Variants in SHISA6 observed in about 807,000 individuals in gnomAD.
SHISA6 encodes shisa family member 6, also known as protein shisa-6.
Under a neutral mutation model 47.9 loss-of-function variants are expected in SHISA6, and 22 were observed. That is an observed-to-expected ratio of 0.46 (90% CI 0.33 to 0.66). SHISA6 has a LOEUF of 0.66. Ranked by LOEUF, SHISA6 falls within the 30% of genes least tolerant of loss-of-function variation. SHISA6 has a pLI of 0.02. For missense variants in SHISA6, 680 were observed against 764.6 expected (o/e 0.89, Z 1.30); for synonymous variants, 388 against 337.8 (o/e 1.15, Z -1.63).
chr17:11,256,323 C>G (rs998815306), intron 1 of SHISA6, among the ~76,000 whole-genome samples: 2 of 152,126 alleles, frequency 1.3e-5, no homozygotes, highest in African/African-American at 4.8e-5. Context: ...TGGTGAAACC[C>G]CATCTCTACT....
chr17:11,442,058 T>C (rs936695979), intron 3 of SHISA6, among the ~76,000 whole-genome samples: 3 of 152,148 alleles, frequency 2.0e-5, no homozygotes, highest in African/African-American at 7.2e-5. Flanking sequence ...TGTCTTCCAT[T>C]ATCCTTTTTC....
intron 1 of SHISA6, among the ~76,000 whole-genome samples, chr17:11,255,668 G>A (rs745536556): frequency 2.0e-5 from 3 of 152,190 alleles, no homozygotes; most frequent in Non-Finnish European, 4.4e-5. Context: ...TCCTTAAGCC[G>A]GAGTGGGAAA....
intron 1 of SHISA6, among the ~76,000 whole-genome samples, chr17:11,257,851 CA>C (rs1006875134): frequency 2.0e-5 from 3 of 151,962 alleles, no homozygotes; most frequent in Non-Finnish European, 4.4e-5. Context: ...CTAAAGGAAA[CA>C]AAAACAAGCA....
At chr17:11,494,097 GTGTC>G (rs1460797474) in intron 3 of SHISA6, among the ~76,000 whole-genome samples, 2 of 152,156 alleles carry the variant, frequency 1.3e-5, no homozygotes, top group African/African-American at 4.8e-5. Context: ...GGGGGCTTCT[GTGTC>G]TTCCCAGCAG....
intron 1 of SHISA6, among the ~76,000 whole-genome samples, chr17:11,244,141 G>A (rs982354681): frequency 6.6e-6 from 1 of 152,204 alleles, no homozygotes; most frequent in Admixed American, 6.5e-5. Context: ...GGTTGGGGAA[G>A]CAGAGTAACC....
At chr17:11,484,156 G>A (rs1416730303) in intron 3 of SHISA6, among the ~76,000 whole-genome samples, 1 of 152,096 alleles carries the variant, frequency 6.6e-6, no homozygotes, top group African/African-American at 2.4e-5. Flanking sequence ...ATCTCAGAAT[G>A]TAAAAGGATA....
At chr17:11,491,972 T>C (rs1916496664) in intron 3 of SHISA6, among the ~76,000 whole-genome samples, 1 of 152,072 alleles carries the variant, frequency 6.6e-6, no homozygotes, top group African/African-American at 2.4e-5. Context: ...GGTTTCTCCA[T>C]GTTGGTCAGG....
intron 3 of SHISA6, among the ~76,000 whole-genome samples, chr17:11,481,626 G>T (rs973372531): frequency 6.6e-6 from 1 of 151,536 alleles, no homozygotes; most frequent in Non-Finnish European, 1.5e-5. Context: ...CAGAGTAGCT[G>T]GGACTACAGG....
intron 3 of SHISA6, among the ~76,000 whole-genome samples, chr17:11,420,383 G>A (rs918149823): frequency 2.0e-5 from 3 of 152,148 alleles, no homozygotes; most frequent in Non-Finnish European, 2.9e-5. Flanking sequence ...AAATAAGACC[G>A]TGCCTATAAA....
At chr17:11,490,621 C>G (rs865991784) in intron 3 of SHISA6, among the ~76,000 whole-genome samples, 1 of 152,162 alleles carries the variant, frequency 6.6e-6, no homozygotes, top group Non-Finnish European at 1.5e-5. Context: ...GAAGTGCAGC[C>G]GGTGGTGACT....
intron 1 of SHISA6, among the ~76,000 whole-genome samples, chr17:11,245,689 T>C (rs1373718217): frequency 7.7e-6 from 1 of 129,326 alleles, no homozygotes; most frequent in Non-Finnish European, 1.6e-5. Context: ...AAATCAGAGC[T>C]GCCCTGGGTC....
chr17:11,260,037 C>A (rs1355880667), intron 1 of SHISA6, among the ~76,000 whole-genome samples: 1 of 152,074 alleles, frequency 6.6e-6, no homozygotes, highest in African/African-American at 2.4e-5. Flanking sequence ...GTGAATGCAT[C>A]GAGAAATTAT....
intron 2 of SHISA6, among the ~76,000 whole-genome samples, chr17:11,264,004 A>G (rs146846088): frequency 4.1e-4 from 62 of 152,326 alleles, no homozygotes; most frequent in East Asian, 3.5e-3. Context: ...TGTGCTCTGT[A>G]GATTCCCTGG....
chr17:11,314,909 A>G (rs1005819460), intron 2 of SHISA6, among the ~76,000 whole-genome samples: 3 of 152,136 alleles, frequency 2.0e-5, no homozygotes, highest in Non-Finnish European at 4.4e-5. Context: ...ACCCCTCATC[A>G]GATTCTTTTA....
intron 2 of SHISA6, among the ~76,000 whole-genome samples, chr17:11,362,258 G>T (rs1342920935): frequency 6.6e-6 from 1 of 152,042 alleles, no homozygotes; most frequent in Admixed American, 6.6e-5. Flanking sequence ...TCCTGCCCAA[G>T]CCTCCTGAGT....
At chr17:11,374,502 A>G (rs1043167946) in intron 2 of SHISA6, among the ~76,000 whole-genome samples, 1 of 150,586 alleles carries the variant, frequency 6.6e-6, no homozygotes, top group Non-Finnish European at 1.5e-5. Context: ...CCTTGACTTG[A>G]TTTCTGTGTA....
chr17:11,438,019 A>G (rs910509514), intron 3 of SHISA6, among the ~76,000 whole-genome samples: 1 of 152,120 alleles, frequency 6.6e-6, no homozygotes, highest in African/African-American at 2.4e-5. Context: ...GTCAGGGTGG[A>G]TAAGGATTTA....
In SHISA6 at chr17:11,561,210, C is replaced by T. The variant is rs1041128735; in HGVS notation, c.*2906C>T. 1.1e-4 allele frequency: 17 copies of T among 152,226 alleles called. No individual in the cohort carries two copies. Among genetic ancestry groups the T allele is most frequent in the African/African-American group, 3.6e-4 (15 of 41,442 alleles). 9.4% of individuals were successfully genotyped at this position (152,226 alleles called of 1,614,324 possible). On this transcript the variant is annotated 3_prime_UTR_variant, in exon 6 of 6. Coordinates refer to ENST00000441885, the MANE Select transcript of SHISA6 (RefSeq NM_207386.4). ...CTACCATACATAGAAGTACCATCCA[C>T]CCTTACAGTAAAAGCCTCCCTCCTG...
intron 2 of SHISA6, among the ~76,000 whole-genome samples, chr17:11,274,849 G>A (rs373681930): frequency 6.6e-6 from 1 of 152,202 alleles, no homozygotes; most frequent in East Asian, 1.9e-4. Context: ...ACGCTCAGAG[G>A]GAGGTTGTGT....
Sources: allele counts gnomAD v4.1 joint callset (sites outside exome capture counted in the v4.1 genomes callset), GRCh38; gene constraint gnomAD v4.1.1; transcripts MANE v1.5; gene names NCBI Gene and HGNC (gene_info 2026-07-23, HGNC 2026-07-21).